The following SLCO3A1 variants were observed in gnomAD, a reference collection of about 807,000 sequenced individuals.
SLCO3A1 encodes solute carrier organic anion transporter family member 3A1.
SLCO3A1 carries 27 observed loss-of-function variants against 63.1 expected under a neutral mutation model. The observed-to-expected ratio is 0.43, with a 90% confidence interval of 0.32 to 0.59. The LOEUF (loss-of-function observed/expected upper bound fraction) is 0.59, where lower values mean the gene tolerates loss of function less well. Ranked by LOEUF, SLCO3A1 falls within the 20% of genes least tolerant of loss-of-function variation. SLCO3A1 has a pLI of 0.09. For synonymous variants in SLCO3A1, 473 were observed against 409.9 expected, an observed-to-expected ratio of 1.15 and a Z score of -1.86; for missense variants, 773 against 945.8, an observed-to-expected ratio of 0.82 and a Z score of 2.40.
chr15:92,170,740 G>A (rs1375235940), downstream of SLCO3A1: 2 of 152,158 alleles, frequency 1.3e-5, no homozygotes, highest in African/African-American at 4.8e-5. Context: ...CAGGAATCTA[G>A]GTTTCACTTT....
At chr15:91,887,327 T>G (rs1371687877) in intron 1 of SLCO3A1, among the ~76,000 whole-genome samples, 1 of 152,162 alleles carries the variant, frequency 6.6e-6, no homozygotes, top group Non-Finnish European at 1.5e-5. Context: ...TGAGTTTTGA[T>G]GTCGAGACCC....
At chr15:91,966,379 G>C (rs959435778) in intron 2 of SLCO3A1, among the ~76,000 whole-genome samples, 1 of 152,164 alleles carries the variant, frequency 6.6e-6, no homozygotes, top group Non-Finnish European at 1.5e-5. Context: ...TTTAGCTGAC[G>C]ATGATTCTCA....
In SLCO3A1 at chr15:92,090,586, G is replaced by A. The variant is rs116215008; in HGVS notation, c.647-4295G>A. Among the ~76,000 whole-genome samples, 340 of 152,296 alleles carry A rather than the reference G, an allele frequency of 2.2e-3. 2 individuals are homozygous for A. The highest frequency in any genetic ancestry group is 7.8e-3 in the African/African-American group (324 of 41,558). ...CAGTGGGGTGGACTCCGGACATCCA[G>A]TCAGTCTGGATGCTGATGAGGCTTG... On this transcript the variant is annotated intron_variant, in intron 2 of 9. Transcript: ENST00000318445.
intron 2 of SLCO3A1, among the ~76,000 whole-genome samples, chr15:91,943,881 C>T (rs1427484646): frequency 1.3e-5 from 2 of 152,182 alleles, no homozygotes; most frequent in African/African-American, 4.8e-5. Context: ...CTTTGTGCCT[C>T]TTCAGGGCTA....
At chr15:91,903,322 G>C (rs778760471) in intron 1 of SLCO3A1, among the ~76,000 whole-genome samples, 1 of 152,202 alleles carries the variant, frequency 6.6e-6, no homozygotes, top group African/African-American at 2.4e-5. Context: ...AAATTGCCTG[G>C]TGCTGCTCAG....
At chr15:92,050,598 C>T (rs970979486) in intron 2 of SLCO3A1, among the ~76,000 whole-genome samples, 1 of 152,198 alleles carries the variant, frequency 6.6e-6, no homozygotes, top group Non-Finnish European at 1.5e-5. Flanking sequence ...CACCCCAACC[C>T]ATTACATCTC....
In SLCO3A1 at chr15:92,165,731, TCAGTC is replaced by T. The variant is rs1483224670; in HGVS notation, c.*2597_*2601del. ...TCTCATATAGTACCGAACAGAAAAC[TCAGTC>T]TAGTTTTAATTTGCCTTTTGTGCTC... is the stretch of plus-strand genomic sequence containing the variant. On this transcript the variant is annotated 3_prime_UTR_variant, in exon 10 of 10. Transcript: ENST00000318445. 1 of 985,182 alleles carries T rather than the reference TCAGTC, an allele frequency of 1.0e-6. No homozygotes were observed. Among genetic ancestry groups the T allele is most frequent in the Non-Finnish European group, 1.2e-6 (1 of 829,896 alleles). 61.0% of individuals were successfully genotyped at this position (985,182 alleles called of 1,614,324 possible).
At chr15:91,866,301 T>C (rs2141847911) in intron 1 of SLCO3A1, among the ~76,000 whole-genome samples, 1 of 152,330 alleles carries the variant, frequency 6.6e-6, no homozygotes, top group South Asian at 2.1e-4. Flanking sequence ...TACTCATCCA[T>C]GTTCCCATCC....
intron 7 of SLCO3A1, among the ~76,000 whole-genome samples, chr15:92,146,762 C>T (rs1057166625): frequency 1.3e-5 from 2 of 152,104 alleles, no homozygotes; most frequent in Non-Finnish European, 2.9e-5. Context: ...AAATGAAACA[C>T]ACAAGAGACA....
intron 2 of SLCO3A1, among the ~76,000 whole-genome samples, chr15:91,978,518 C>G (rs1901205826): frequency 6.6e-6 from 1 of 152,182 alleles, no homozygotes; most frequent in Admixed American, 6.5e-5. Flanking sequence ...ATTTGGATGT[C>G]AGTTTAAGCC....
intron 2 of SLCO3A1, among the ~76,000 whole-genome samples, chr15:92,074,381 C>G (rs2047251476): frequency 1.3e-5 from 2 of 152,212 alleles, no homozygotes; most frequent in African/African-American, 4.8e-5. Flanking sequence ...TCTCTTCCCT[C>G]TCCTTCATCT....
chr15:92,153,518 A>G (rs985327012), intron 9 of SLCO3A1: 2 of 152,222 alleles, frequency 1.3e-5, no homozygotes, highest in Non-Finnish European at 2.9e-5. Flanking sequence ...ATTAACCACC[A>G]TTATTGTTAA....
chr15:91,982,862 C>T (rs2046005085), intron 2 of SLCO3A1, among the ~76,000 whole-genome samples: 1 of 152,226 alleles, frequency 6.6e-6, no homozygotes, highest in Non-Finnish European at 1.5e-5. Flanking sequence ...GTCTCCCAAG[C>T]CCAGGCCTGT....
intron 4 of SLCO3A1, among the ~76,000 whole-genome samples, chr15:92,118,770 C>A (rs577289993): frequency 3.3e-5 from 5 of 152,294 alleles, no homozygotes; most frequent in Admixed American, 2.0e-4. Flanking sequence ...TCCTCTGGGA[C>A]TCTGTGTTTT....
chr15:92,136,955 C>G (rs910042819), intron 7 of SLCO3A1, among the ~76,000 whole-genome samples: 1 of 147,848 alleles, frequency 6.8e-6, no homozygotes. Flanking sequence ...ATCGCGTGGA[C>G]CAAGTAGTCT....
exon 11 of SLCO3A1, chr15:92,171,922 G>T (rs149552712): frequency 3.0e-6 from 4 of 1,312,854 alleles, no homozygotes; most frequent in Non-Finnish European, 4.3e-6. Flanking sequence ...CAGACCTCGC[G>T]GGCCTCACTT....
At chr15:92,044,821 G>A (rs1168092576) in intron 2 of SLCO3A1, among the ~76,000 whole-genome samples, 2 of 152,176 alleles carry the variant, frequency 1.3e-5, no homozygotes, top group South Asian at 2.1e-4. Flanking sequence ...GACTCCTGAC[G>A]TAGTCTCTGG....
intron 3 of SLCO3A1, among the ~76,000 whole-genome samples, chr15:92,098,684 G>A (rs1486759342): frequency 6.6e-6 from 1 of 152,142 alleles, no homozygotes; most frequent in Admixed American, 6.6e-5. Context: ...TCATGGGAGT[G>A]TAGATCCTAC....
intron 2 of SLCO3A1, among the ~76,000 whole-genome samples, chr15:92,093,784 G>A (rs761988320): frequency 8.5e-5 from 13 of 152,084 alleles, no homozygotes; most frequent in Non-Finnish European, 1.3e-4. Context: ...TGACATCACC[G>A]AGAGAATTTA....
Sources: gnomAD v4.1 joint callset for allele counts (sites outside exome capture counted in the v4.1 genomes callset) on GRCh38, gnomAD v4.1.1 for gene constraint, MANE v1.5 for transcripts, NCBI Gene and HGNC (gene_info 2026-07-23, HGNC 2026-07-21) for gene names.